Variants in TNFAIP8 observed in about 807,000 individuals in gnomAD.
TNFAIP8 encodes TNF alpha induced protein 8, also known as tumor necrosis factor alpha-induced protein 8.
In TNFAIP8, 7 loss-of-function variants were observed where a neutral mutation model predicts 13.3. The ratio of observed to expected loss-of-function variants is 0.52; its 90% CI spans 0.30 to 0.99. TNFAIP8 has a LOEUF of 0.99. TNFAIP8 is among the 50% of genes least tolerant of loss of function. The pLI is 0.07. For missense variants in TNFAIP8, 258 were observed against 236.9 expected, an observed-to-expected ratio of 1.09 and a Z score of -0.58; for synonymous variants, 94 against 87.6, an observed-to-expected ratio of 1.07 and a Z score of -0.41.
In TNFAIP8 at chr5:119,269,482, C is replaced by T. The variant is rs565856225; in HGVS notation, c.1+575C>T. 3.3e-5 allele frequency among the ~76,000 whole-genome samples: 5 copies of T among 152,238 alleles called. No individual in the cohort carries two copies. The East Asian group carries it at 9.6e-4, about 29-fold the overall frequency. On this transcript the variant is annotated intron_variant, in intron 1 of 1. Transcript: ENST00000274456. ...TGTGTGTGTACATGACTGCACATGT[C>T]GCACTGGAGCCCTCAGCACCTGCTG...
At chr5:119,350,657 G>C (rs1345970293) in intron 1 of TNFAIP8, among the ~76,000 whole-genome samples, 1 of 152,218 alleles carries the variant, frequency 6.6e-6, no homozygotes, top group Non-Finnish European at 1.5e-5. Context: ...CTCTGTGTGT[G>C]CTCATCTCCG....
intron 1 of TNFAIP8, among the ~76,000 whole-genome samples, chr5:119,308,333 C>T (rs1749627583): frequency 6.6e-6 from 1 of 151,062 alleles, no homozygotes; most frequent in South Asian, 2.1e-4. Context: ...ACATCTGTTT[C>T]TCTCTTTCTG....
At chr5:119,274,152 TCTGA>T (rs1179468768) in intron 1 of TNFAIP8, among the ~76,000 whole-genome samples, 2 of 152,126 alleles carry the variant, frequency 1.3e-5, no homozygotes, top group African/African-American at 2.4e-5. Context: ...TGAGCTCTCT[TCTGA>T]CTGTGTTCAG....
intron 1 of TNFAIP8, among the ~76,000 whole-genome samples, chr5:119,325,200 C>G (rs1050291767): frequency 2.0e-5 from 3 of 152,216 alleles, no homozygotes; most frequent in Non-Finnish European, 4.4e-5. Flanking sequence ...GTCATAACCC[C>G]GCGCAGTTTC....
intron 1 of TNFAIP8, among the ~76,000 whole-genome samples, chr5:119,313,508 G>T (rs1749795495): frequency 6.6e-6 from 1 of 152,150 alleles, no homozygotes; most frequent in Admixed American, 6.5e-5. Context: ...CTCATAATAG[G>T]CACGGGCTTT....
intron 1 of TNFAIP8, among the ~76,000 whole-genome samples, chr5:119,330,157 G>T (rs1401478275): frequency 6.6e-6 from 1 of 152,170 alleles, no homozygotes; most frequent in East Asian, 1.9e-4. Context: ...GGAGGGTACA[G>T]AGAGGACTGA....
chr5:119,362,791 CA>C (rs759223485), intron 1 of TNFAIP8, among the ~76,000 whole-genome samples: 14,125 of 130,058 alleles, frequency 0.11, 884 homozygotes, highest in African/African-American at 0.22. Context: ...GATTCTGTCT[CA>C]AAAAAAAAAA....
intron 1 of TNFAIP8, among the ~76,000 whole-genome samples, chr5:119,335,885 GA>G: frequency 6.6e-6 from 1 of 152,060 alleles, no homozygotes; most frequent in Non-Finnish European, 1.5e-5. Context: ...TGCAGGGGGT[GA>G]GGGGGTGGAG....
intron 1 of TNFAIP8, among the ~76,000 whole-genome samples, chr5:119,328,120 C>G (rs953735142): frequency 4.6e-5 from 7 of 152,196 alleles, no homozygotes; most frequent in African/African-American, 1.7e-4. Context: ...AGTTTATAAA[C>G]ATTTTAAAAT....
At chr5:119,310,649 A>G (rs1284686219) in intron 1 of TNFAIP8, among the ~76,000 whole-genome samples, 1 of 152,168 alleles carries the variant, frequency 6.6e-6, no homozygotes, top group Non-Finnish European at 1.5e-5. Flanking sequence ...ATCCTGGCTA[A>G]TATGGTAAAA....
At chr5:119,311,688 C>CAAAAAAAAAAAAAAAAA (rs55965350) in intron 1 of TNFAIP8, among the ~76,000 whole-genome samples, 16 of 66,666 alleles carry the variant, frequency 2.4e-4, no homozygotes, top group African/African-American at 1.0e-3. Context: ...GACTCCGTCT[C>CAAAAAAAAAAAAAAAAA]AAAAAAAAAA....
At chr5:119,275,780 A>G (rs1231094964) in intron 1 of TNFAIP8, among the ~76,000 whole-genome samples, 1 of 152,138 alleles carries the variant, frequency 6.6e-6, no homozygotes, top group Admixed American at 6.5e-5. Context: ...AAGGTTTGCT[A>G]CTGATCATAA....
rs561455216 is a variant in TNFAIP8, at chr5:119,281,665, CT to C, written c.1+12759del. The stretch of plus-strand genomic sequence containing the variant: ...ACCTTAAAAAAATGGTTTAGTACTT[CT>C]GCATCATCAGATCTTATTATTGTTA... On this transcript the variant is annotated intron_variant, in intron 1 of 1. Coordinates refer to the TNFAIP8 transcript ENST00000274456. Among the ~76,000 whole-genome samples, 326 of 152,336 alleles carry C rather than the reference CT, an allele frequency of 2.1e-3. 2 individuals are homozygous for C. The highest frequency in any genetic ancestry group is 0.018 in the Admixed American group (278 of 15,306).
At chr5:119,341,072 G>C (rs1214602695) in intron 1 of TNFAIP8, among the ~76,000 whole-genome samples, 1 of 146,660 alleles carries the variant, frequency 6.8e-6, no homozygotes, top group East Asian at 2.0e-4. Context: ...CTTCACTGGT[G>C]TTTTTGGTCT....
chr5:119,375,107 T>G (rs1399221803), intron 1 of TNFAIP8, among the ~76,000 whole-genome samples: 3 of 152,244 alleles, frequency 2.0e-5, no homozygotes, highest in African/African-American at 7.2e-5. Flanking sequence ...CAAAACATGT[T>G]GCCTGCCAAA....
At chr5:119,391,862 T>G (rs1159694469) in intron 1 of TNFAIP8, among the ~76,000 whole-genome samples, 1 of 152,154 alleles carries the variant, frequency 6.6e-6, no homozygotes, top group Non-Finnish European at 1.5e-5. Context: ...TTGAGCATTT[T>G]CACTTGACCA....
chr5:119,279,391 C>T (rs1376623253), intron 1 of TNFAIP8, among the ~76,000 whole-genome samples: 1 of 152,134 alleles, frequency 6.6e-6, no homozygotes, highest in African/African-American at 2.4e-5. Flanking sequence ...TTTCATTCTT[C>T]ACATTTTGTT....
At chr5:119,350,645 C>G (rs1751089269) in intron 1 of TNFAIP8, among the ~76,000 whole-genome samples, 1 of 152,228 alleles carries the variant, frequency 6.6e-6, no homozygotes, top group South Asian at 2.1e-4. Flanking sequence ...GTATTATTGT[C>G]TCTCTGTGTG....
At chr5:119,351,788 C>CTTTCT (rs1751165570), upstream of TNFAIP8, among the ~76,000 whole-genome samples, 1 of 138,240 alleles carries the variant, frequency 7.2e-6, no homozygotes, top group African/African-American at 3.0e-5. Flanking sequence ...TTTTCTTTTT[C>CTTTCT]TTTTTTTCTT....
Sources: gnomAD v4.1 joint callset for allele counts (sites outside exome capture counted in the v4.1 genomes callset) on GRCh38, gnomAD v4.1.1 for gene constraint, MANE v1.5 for transcripts, NCBI Gene and HGNC (gene_info 2026-07-23, HGNC 2026-07-21) for gene names.